WWTR1: variants seen among roughly 807,000 people sequenced by gnomAD.
WWTR1 encodes WW domain containing transcription regulator 1.
Under a neutral mutation model 40.1 loss-of-function variants are expected in WWTR1, and 13 were observed. The ratio of observed to expected loss-of-function variants is 0.32; its 90% CI spans 0.21 to 0.52. WWTR1 has a LOEUF of 0.52. Ranked by LOEUF, WWTR1 falls within the 20% of genes least tolerant of loss-of-function variation. WWTR1 has a pLI of 0.97. For synonymous variants in WWTR1, 230 were observed against 210.1 expected, an observed-to-expected ratio of 1.09 and a Z score of -0.82; for missense variants, 436 against 523.1, an observed-to-expected ratio of 0.83 and a Z score of 1.63.
chr3:149,692,617 C>CTGTTTGTTTGTT (rs138842308), intron 1 of WWTR1, among the ~76,000 whole-genome samples: 49 of 150,998 alleles, frequency 3.2e-4, no homozygotes, highest in East Asian at 9.9e-4. Context: ...ACTTTCACCA[C>CTGTTTGTTTGTT]TGTTTGTTTG....
chr3:149,582,020 T>A (rs1738171758), intron 2 of WWTR1, among the ~76,000 whole-genome samples: 3 of 151,702 alleles, frequency 2.0e-5, no homozygotes, highest in Non-Finnish European at 2.9e-5. Context: ...GTCCCTGGGG[T>A]GGGAAAAAAA....
At chr3:149,545,874 G>A (rs910803888) in intron 3 of WWTR1, among the ~76,000 whole-genome samples, 1 of 152,282 alleles carries the variant, frequency 6.6e-6, no homozygotes, top group Admixed American at 6.5e-5. Context: ...ACTGACTCAG[G>A]TGACTTACTG....
chr3:149,677,142 C>T (rs1415038678), intron 1 of WWTR1, among the ~76,000 whole-genome samples: 3 of 152,016 alleles, frequency 2.0e-5, no homozygotes, highest in Non-Finnish European at 4.4e-5. Context: ...TCTTGAACTC[C>T]TTACCTCAGG....
chr3:149,559,930 G>A (rs573293154), intron 3 of WWTR1, among the ~76,000 whole-genome samples: 4 of 152,326 alleles, frequency 2.6e-5, no homozygotes, highest in African/African-American at 4.8e-5. Flanking sequence ...CCAACAGACC[G>A]GTTGGAGGTC....
chr3:149,687,336 C>T (rs1217854677), intron 1 of WWTR1, among the ~76,000 whole-genome samples: 2 of 152,198 alleles, frequency 1.3e-5, no homozygotes, highest in Non-Finnish European at 2.9e-5. Context: ...ATCATTTCTT[C>T]ATCCTGTAGC....
intron 4 of WWTR1, chr3:149,540,278 T>C (rs1328952050): frequency 1.3e-5 from 6 of 456,564 alleles, no homozygotes; most frequent in African/African-American, 1.2e-4. Context: ...AGGAACTTGG[T>C]TGGCATTTCT....
chr3:149,526,297 A>C (rs1184777755), intron 5 of WWTR1, among the ~76,000 whole-genome samples, 172 bp from the exon 6 acceptor site: 3 of 152,204 alleles, frequency 2.0e-5, no homozygotes, highest in African/African-American at 7.2e-5. Flanking sequence ...ATGAAAATGA[A>C]AATAATCATG....
At chr3:149,580,996 T>G (rs1194023896) in intron 2 of WWTR1, among the ~76,000 whole-genome samples, 1 of 152,206 alleles carries the variant, frequency 6.6e-6, no homozygotes, top group East Asian at 1.9e-4. Context: ...GGAGTCGGCT[T>G]TTGAACTTCG....
Position 149,624,871 on chromosome 3 carries a change from TTTTA to T in WWTR1, c.431+32001_431+32004del, listed in dbSNP as rs1202860135. On this transcript the variant is annotated intron_variant, in intron 2 of 6. Transcript: ENST00000360632. ...TGTGCCACCATGCCCAGCTAATTCA[TTTTA>T]TTTATTTTATTTTATTTATTTATTT... Among the ~76,000 whole-genome samples the T allele has an allele frequency of 2.3e-4, 35 of 151,556 alleles. 1 individual carries two copies. Among genetic ancestry groups the T allele is most frequent in the Middle Eastern group, 6.8e-3 (2 of 294 alleles).
intron 2 of WWTR1, among the ~76,000 whole-genome samples, chr3:149,604,486 A>G (rs1297489595): frequency 2.0e-5 from 3 of 152,202 alleles, no homozygotes; most frequent in Non-Finnish European, 4.4e-5. Context: ...TTTTAGCTAC[A>G]ATTTAGAAAA....
At chr3:149,526,858 TTTATTTGA>T (rs1735342912) in intron 5 of WWTR1, among the ~76,000 whole-genome samples, 1 of 152,262 alleles carries the variant, frequency 6.6e-6, no homozygotes, top group African/African-American at 2.4e-5. Context: ...AATTGCCCTT[TTTATTTGA>T]TTTAAAAACT....
chr3:149,542,037 C>T (rs576131841), intron 4 of WWTR1, among the ~76,000 whole-genome samples: 8 of 152,338 alleles, frequency 5.3e-5, no homozygotes, highest in Admixed American at 2.6e-4. Flanking sequence ...ATTTGTTACA[C>T]AACAACAGAC....
At chr3:149,699,455 G>A (rs571419130) in intron 1 of WWTR1, among the ~76,000 whole-genome samples, 40 of 152,042 alleles carry the variant, frequency 2.6e-4, no homozygotes, top group African/African-American at 7.5e-4. Flanking sequence ...CACCATGCCC[G>A]GCTAATTTTG....
intron 2 of WWTR1, among the ~76,000 whole-genome samples, chr3:149,574,017 T>G (rs927072068): frequency 5.9e-5 from 9 of 152,106 alleles, no homozygotes; most frequent in African/African-American, 2.2e-4. Flanking sequence ...GAAATCTTCC[T>G]TCTCCTCCTT....
intron 2 of WWTR1, among the ~76,000 whole-genome samples, chr3:149,642,541 C>T (rs201841328): frequency 5.9e-5 from 9 of 151,792 alleles, no homozygotes; most frequent in African/African-American, 9.7e-5. Flanking sequence ...TTTGGGAGGC[C>T]GAGGCGGGTG....
intron 3 of WWTR1, among the ~76,000 whole-genome samples, chr3:149,545,799 G>A (rs867232935): frequency 3.3e-5 from 5 of 152,184 alleles, no homozygotes; most frequent in Admixed American, 1.3e-4. Flanking sequence ...GGGATTACAG[G>A]CATGAGCCAC....
At chr3:149,650,676 A>G (rs1712812679) in intron 2 of WWTR1, among the ~76,000 whole-genome samples, 1 of 152,160 alleles carries the variant, frequency 6.6e-6, no homozygotes, top group Admixed American at 6.6e-5. Context: ...CCACACACAA[A>G]AACAGCTCAA....
intron 4 of WWTR1, among the ~76,000 whole-genome samples, chr3:149,539,548 G>A (rs532593175): frequency 6.6e-6 from 1 of 152,202 alleles, no homozygotes; most frequent in East Asian, 1.9e-4. Flanking sequence ...ACTGTCCACT[G>A]AGCAAGGGAT....
rs560996089 is a variant in WWTR1 at position 149,620,953 on chromosome 3, A to G, written c.431+35923T>C. Among the ~76,000 whole-genome samples, 7 of 152,366 alleles carry G rather than the reference A, an allele frequency of 4.6e-5. No individual in the cohort carries two copies. The South Asian group carries it at 1.5e-3, about 32-fold the overall frequency. ...GTGGAGAGAATGCAAACAAACTACC[A>G]GAAATCTGGAGCATCATAAAAGAAT... On this transcript the variant is annotated intron_variant, in intron 2 of 6. Coordinates refer to ENST00000360632, the MANE Select transcript of WWTR1 (RefSeq NM_015472.6).
Sources: gnomAD v4.1 joint callset for allele counts (sites outside exome capture counted in the v4.1 genomes callset) on GRCh38, gnomAD v4.1.1 for gene constraint, MANE v1.5 for transcripts, NCBI Gene and HGNC (gene_info 2026-07-23, HGNC 2026-07-21) for gene names.